Variants in ZNF385C observed in about 807,000 individuals in gnomAD.
ZNF385C encodes the protein CTD-2132N18.2.
A neutral mutation model predicts 35.4 loss-of-function variants in ZNF385C; 28 were observed. That is an observed-to-expected ratio of 0.79 (90% confidence interval 0.59 to 1.08). The LOEUF (loss-of-function observed/expected upper bound fraction) is 1.08. Ranked by LOEUF, ZNF385C falls within the 50% of genes least tolerant of loss-of-function variation. ZNF385C has a pLI of 0.00. For synonymous variants in ZNF385C, 248 were observed against 248.2 expected (o/e 1.00, Z 0.01); for missense variants, 605 against 595.6 (o/e 1.02, Z -0.16).
At chr17:42,066,501 C>T (rs1291892294) in intron 1 of ZNF385C, among the ~76,000 whole-genome samples, 1 of 152,144 alleles carries the variant, frequency 6.6e-6, no homozygotes. Context: ...CTATGTCACT[C>T]ACTCTGTGTG....
intron 2 of ZNF385C, 127 bp from the exon 3 acceptor site, chr17:42,038,012 A>G: frequency 6.5e-7 from 1 of 1,536,804 alleles, no homozygotes; most frequent in Non-Finnish European, 8.7e-7. Context: ...ACAGAGTGGC[A>G]CCAGCCAGAC....
intron 1 of ZNF385C, among the ~76,000 whole-genome samples, chr17:42,087,419 A>G (rs1555660208): frequency 6.6e-6 from 1 of 152,236 alleles, no homozygotes; most frequent in Non-Finnish European, 1.5e-5. Context: ...CAGCTGATTT[A>G]TGACCAAAAG....
intron 2 of ZNF385C, chr17:42,040,051 A>C: frequency 8.1e-7 from 1 of 1,231,064 alleles, no homozygotes; most frequent in Non-Finnish European, 1.0e-6. Flanking sequence ...AAACAGCGCG[A>C]AGTCGCCCAG....
intron 3 of ZNF385C, among the ~76,000 whole-genome samples, chr17:42,036,007 T>C (rs900464792): frequency 5.9e-5 from 9 of 151,932 alleles, no homozygotes; most frequent in Non-Finnish European, 7.4e-5. Context: ...TTCCTTATTA[T>C]TTTTTTGAGA....
At chr17:42,076,878 G>A (rs1338854358) in intron 1 of ZNF385C, among the ~76,000 whole-genome samples, 2 of 152,148 alleles carry the variant, frequency 1.3e-5, no homozygotes, top group Non-Finnish European at 2.9e-5. Flanking sequence ...GGAGAGCTGG[G>A]GGTGTGAGGT....
At chr17:42,072,714 G>A (rs1445912198) in intron 1 of ZNF385C, among the ~76,000 whole-genome samples, 5 of 151,882 alleles carry the variant, frequency 3.3e-5, no homozygotes, top group Non-Finnish European at 1.5e-5. Flanking sequence ...CAGGTGCCAG[G>A]AGCCGCGCCG....
At chr17:42,078,805 T>G (rs1598202996) in intron 1 of ZNF385C, among the ~76,000 whole-genome samples, 1 of 148,474 alleles carries the variant, frequency 6.7e-6, no homozygotes, top group Admixed American at 6.7e-5. Flanking sequence ...GGGGAGGAGG[T>G]GGGGGAGAGA....
chr17:42,066,016 T>C (rs1194389450), intron 1 of ZNF385C, among the ~76,000 whole-genome samples: 1 of 152,072 alleles, frequency 6.6e-6, no homozygotes, highest in Non-Finnish European at 1.5e-5. Flanking sequence ...GTAATATGCT[T>C]CTCGGTGCCC....
At chr17:42,066,047 G>T (rs1375639588) in intron 1 of ZNF385C, among the ~76,000 whole-genome samples, 1 of 151,162 alleles carries the variant, frequency 6.6e-6, no homozygotes, top group East Asian at 2.0e-4. Context: ...GCTGTTTTTT[G>T]TTTGTTTGTC....
intron 1 of ZNF385C, among the ~76,000 whole-genome samples, chr17:42,079,187 CAAAA>C (rs141880528): frequency 0.075 from 8,495 of 113,846 alleles, 377 homozygotes; most frequent in African/African-American, 0.12. Context: ...CCCTGTCTCG[CAAAA>C]AAAAAAAAAA....
At chr17:42,094,583 G>A (rs186373272) in intron 1 of ZNF385C, among the ~76,000 whole-genome samples, 1 of 152,180 alleles carries the variant, frequency 6.6e-6, no homozygotes, top group East Asian at 1.9e-4. Context: ...AGATAACAAA[G>A]GACAGGGTCA....
At chr17:42,038,719 G>A (rs2052926334) in intron 2 of ZNF385C, 1 of 152,216 alleles carries the variant, frequency 6.6e-6, no homozygotes. Flanking sequence ...AGATAGCATA[G>A]ATTTATTTCA....
At chr17:42,067,184 C>T (rs1383016300) in intron 1 of ZNF385C, among the ~76,000 whole-genome samples, 1 of 152,180 alleles carries the variant, frequency 6.6e-6, no homozygotes, top group Non-Finnish European at 1.5e-5. Context: ...GATCCTCCAG[C>T]CTCGGGCTCC....
intron 2 of ZNF385C, among the ~76,000 whole-genome samples, chr17:42,048,821 C>T (rs2053224553): frequency 6.6e-6 from 1 of 151,990 alleles, no homozygotes; most frequent in Non-Finnish European, 1.5e-5. Context: ...CCTGACTGCA[C>T]ACTGGGTTTC....
intron 1 of ZNF385C, among the ~76,000 whole-genome samples, chr17:42,072,359 C>T (rs1347774597): frequency 6.6e-6 from 1 of 152,196 alleles, no homozygotes; most frequent in African/African-American, 2.4e-5. Context: ...TTGGTGTCCT[C>T]CTCGCGACCT....
intron 1 of ZNF385C, among the ~76,000 whole-genome samples, chr17:42,094,319 C>T (rs782405989): frequency 2.0e-5 from 3 of 152,106 alleles, no homozygotes; most frequent in Admixed American, 6.6e-5. Flanking sequence ...CTCCTTTTGC[C>T]GAGACTCCTC....
At chr17:42,044,453 C>A (rs1036457443) in intron 2 of ZNF385C, among the ~76,000 whole-genome samples, 1 of 151,222 alleles carries the variant, frequency 6.6e-6, no homozygotes, top group African/African-American at 2.4e-5. Flanking sequence ...CCCATCTCTA[C>A]TAAAGGTAAC....
At chr17:42,036,813 A>C (rs1382669880) in intron 3 of ZNF385C, among the ~76,000 whole-genome samples, 1 of 151,878 alleles carries the variant, frequency 6.6e-6, no homozygotes, top group African/African-American at 2.4e-5. Flanking sequence ...CAAATGCCTC[A>C]GACTCCTTAG....
At position 42,062,832 on chromosome 17, in the gene ZNF385C, G is replaced by A; in HGVS notation, c.225C>T (p.Ser75=). The A allele has an allele frequency of 1.6e-6, 1 of 614,474 alleles. No homozygotes were observed. Among genetic ancestry groups the A allele is most frequent in the Non-Finnish European group, 2.9e-6 (1 of 344,194 alleles). 38.1% of individuals were successfully genotyped at this position (614,474 alleles called of 1,614,324 possible). A position where few individuals can be genotyped will look rare whatever the true frequency, so the allele number is the denominator to read the frequency against. Residue 75 remains serine, a synonymous_variant, in exon 2 of 9, where the codon AGC becomes AGT. Transcript: ENST00000692273. ...RAHQRRLRQL[S]LGKSPSGPAG... ...CTGGCCCTGAGGGGCTCTTCCCCAA[G>A]CTGAGCTGCCGAAGCCGCCTCTGGT...
Sources: allele counts gnomAD v4.1 joint callset (sites outside exome capture counted in the v4.1 genomes callset), GRCh38; gene constraint gnomAD v4.1.1; transcripts MANE v1.5; gene names NCBI Gene and HGNC (gene_info 2026-07-23, HGNC 2026-07-21).